The following TACR1 variants were observed in gnomAD, a reference collection of about 807,000 sequenced individuals.
TACR1 encodes tachykinin receptor 1, also known as substance-P receptor.
Under a neutral mutation model 35.8 loss-of-function variants are expected in TACR1, and 25 were observed. The observed-to-expected ratio is 0.70, with a 90% CI of 0.51 to 0.98. TACR1 has a LOEUF of 0.98. Ranked by LOEUF, TACR1 falls within the 50% of genes least tolerant of loss-of-function variation. The probability of loss-of-function intolerance (pLI) is 0.00; values close to 1 mark genes in which losing one functional copy is unlikely to be tolerated. For missense variants in TACR1, 478 were observed against 522.9 expected, an observed-to-expected ratio of 0.91 and a Z score of 0.84; for synonymous variants, 195 against 206.7, an observed-to-expected ratio of 0.94 and a Z score of 0.48.
At chr2:75,051,214 G>A (rs200544730) in intron 4 of TACR1, 37 bp downstream of exon 4, 2 of 1,613,884 alleles carry the variant, frequency 1.2e-6, no homozygotes, top group East Asian at 2.2e-5. Flanking sequence ...AGATGGTCTT[G>A]TGGCCCCTGG....
At chr2:75,177,444 C>T (rs1351219951) in intron 1 of TACR1, among the ~76,000 whole-genome samples, 2 of 152,326 alleles carry the variant, frequency 1.3e-5, no homozygotes, top group East Asian at 3.9e-4. Flanking sequence ...ATTATCTGGA[C>T]TTTGTTATCA....
chr2:75,159,085 T>C (rs1017957535), intron 1 of TACR1, among the ~76,000 whole-genome samples: 2 of 152,122 alleles, frequency 1.3e-5, no homozygotes, highest in African/African-American at 4.8e-5. Flanking sequence ...ATAAACAATG[T>C]AGCTAATTTT....
intron 2 of TACR1, among the ~76,000 whole-genome samples, chr2:75,095,333 A>G (rs1403840197): frequency 6.6e-6 from 1 of 152,172 alleles, no homozygotes; most frequent in African/African-American, 2.4e-5. Context: ...GTCAGCCTTC[A>G]GGTAATCAGC....
intron 2 of TACR1, among the ~76,000 whole-genome samples, chr2:75,079,623 C>G (rs1673043391): frequency 6.6e-6 from 1 of 152,026 alleles, no homozygotes; most frequent in Non-Finnish European, 1.5e-5. Flanking sequence ...CTTGATTTCA[C>G]TTGTTCCATA....
At chr2:75,053,819 G>GT in intron 2 of TACR1, 64 bp from the exon 3 acceptor site, 1 of 1,592,904 alleles carries the variant, frequency 6.3e-7, no homozygotes, top group Non-Finnish European at 8.6e-7. Context: ...TTTAATTTTT[G>GT]TTATTGTTAT....
intron 1 of TACR1, among the ~76,000 whole-genome samples, chr2:75,149,350 A>T (rs1365769687): frequency 6.6e-6 from 1 of 152,130 alleles, no homozygotes; most frequent in African/African-American, 2.4e-5. Flanking sequence ...CATTTTCACA[A>T]TATTGATTCT....
chr2:75,108,771 T>C (rs1361539255), intron 2 of TACR1, among the ~76,000 whole-genome samples: 1 of 152,178 alleles, frequency 6.6e-6, no homozygotes, highest in African/African-American at 2.4e-5. Context: ...ATTGGCTAGA[T>C]AAAAGATAAG....
In TACR1 at chr2:75,120,682, A is replaced by T; in HGVS notation, c.476T>A (p.Leu159His). 1 of 1,614,120 alleles carries T rather than the reference A, an allele frequency of 6.2e-7. No homozygotes were observed. The highest frequency in any genetic ancestry group is 8.5e-7 in the Non-Finnish European group (1 of 1,180,010). The change falls in exon 2 of 5, where the codon CTC becomes CAC. Residue 159 changes from leucine to histidine, a missense_variant. Transcript: ENST00000305249. ...VVICVIWVLA[L>H]LLAFPQGYYS... is the part of the protein sequence containing the mutation. Reference sequence around the variant, plus strand: ...GTAGCCCTGGGGGAAGGCCAGCAGGAGAGCCAGGACCCAGATGACACAGAT... The same window carrying T: ...GTAGCCCTGGGGGAAGGCCAGCAGGTGAGCCAGGACCCAGATGACACAGAT...
chr2:75,091,749 G>C (rs1329912964), intron 2 of TACR1, among the ~76,000 whole-genome samples: 1 of 152,170 alleles, frequency 6.6e-6, no homozygotes, highest in African/African-American at 2.4e-5. Context: ...CAAAACTTAA[G>C]AAGAGGGATT....
intron 1 of TACR1, among the ~76,000 whole-genome samples, chr2:75,185,118 G>A (rs867527920): frequency 1.3e-5 from 2 of 151,872 alleles, no homozygotes; most frequent in South Asian, 4.2e-4. Flanking sequence ...ATTCATTGTA[G>A]GACAAAAGTA....
chr2:75,129,241 C>G (rs1674135172), intron 1 of TACR1, among the ~76,000 whole-genome samples: 1 of 152,182 alleles, frequency 6.6e-6, no homozygotes, highest in Non-Finnish European at 1.5e-5. Flanking sequence ...ATTGTTGACA[C>G]TGTGCTTTTT....
chr2:75,074,664 A>G (rs1672944808), intron 2 of TACR1, among the ~76,000 whole-genome samples: 1 of 152,146 alleles, frequency 6.6e-6, no homozygotes, highest in South Asian at 2.1e-4. Context: ...CCATTAAGGA[A>G]TGGCCCCTGA....
At chr2:75,092,324 A>G (rs551924538) in intron 2 of TACR1, among the ~76,000 whole-genome samples, 1 of 152,002 alleles carries the variant, frequency 6.6e-6, no homozygotes, top group African/African-American at 2.4e-5. Flanking sequence ...ACCAGCTTTA[A>G]TTTCCAAACT....
At chr2:75,072,863 A>T (rs1672907287) in intron 2 of TACR1, among the ~76,000 whole-genome samples, 2 of 152,188 alleles carry the variant, frequency 1.3e-5, no homozygotes, top group South Asian at 4.1e-4. Flanking sequence ...TCTGCGTTTT[A>T]TGGAAAATGT....
chr2:75,184,738 TATG>T (rs1675647056), intron 1 of TACR1, among the ~76,000 whole-genome samples: 1 of 151,338 alleles, frequency 6.6e-6, no homozygotes, highest in African/African-American at 2.4e-5. Flanking sequence ...TATGTGGTAA[TATG>T]ATATATATTA....
At chr2:75,175,885 G>T (rs939379479) in intron 1 of TACR1, among the ~76,000 whole-genome samples, 6 of 151,954 alleles carry the variant, frequency 3.9e-5, no homozygotes, top group African/African-American at 1.5e-4. Context: ...AGATATCCTG[G>T]ATTTTCTCAG....
At chr2:75,069,792 C>T (rs1672839389) in intron 2 of TACR1, among the ~76,000 whole-genome samples, 1 of 152,102 alleles carries the variant, frequency 6.6e-6, no homozygotes, top group Admixed American at 6.6e-5. Context: ...GGAGGAAGTG[C>T]CATTCTTATC....
chr2:75,195,225 C>G (rs1302749225), intron 1 of TACR1, among the ~76,000 whole-genome samples: 1 of 152,068 alleles, frequency 6.6e-6, no homozygotes, highest in Non-Finnish European at 1.5e-5. Context: ...TAGAGGTAAA[C>G]CTGATCTTAT....
chr2:75,154,889 A>G (rs1286308921), intron 1 of TACR1, among the ~76,000 whole-genome samples: 1 of 152,008 alleles, frequency 6.6e-6, no homozygotes, highest in Non-Finnish European at 1.5e-5. Flanking sequence ...CCAAGTTCGC[A>G]TTTGGCCTGC....
Sources: allele counts gnomAD v4.1 joint callset (sites outside exome capture counted in the v4.1 genomes callset), GRCh38; gene constraint gnomAD v4.1.1; transcripts MANE v1.5; gene names NCBI Gene and HGNC (gene_info 2026-07-23, HGNC 2026-07-21).